Variants in DIAPH3 observed in about 807,000 individuals in gnomAD.
DIAPH3 encodes protein diaphanous homolog 3.
In DIAPH3, 117 loss-of-function variants were observed where a neutral mutation model predicts 144.3. The observed-to-expected ratio is 0.81, with a 90% confidence interval of 0.70 to 0.95. The LOEUF (loss-of-function observed/expected upper bound fraction) is 0.95, where lower values mean the gene tolerates loss of function less well. DIAPH3 is among the 40% of genes least tolerant of loss of function. The pLI, the probability that DIAPH3 is intolerant of heterozygous loss-of-function variation, is 0.00. For synonymous variants in DIAPH3, 519 were observed against 488.9 expected, an observed-to-expected ratio of 1.06 and a Z score of -0.81; for missense variants, 1,421 against 1,412.7, an observed-to-expected ratio of 1.01 and a Z score of -0.09.
At chr13:60,094,537 C>A (rs1189053442) in intron 3 of DIAPH3, among the ~76,000 whole-genome samples, 3 of 152,154 alleles carry the variant, frequency 2.0e-5, no homozygotes, top group Non-Finnish European at 4.4e-5. Context: ...AGAAGGGCAG[C>A]TCAAATGAAT....
At chr13:59,757,392 C>CTTTTTTTT (rs558678599) in intron 27 of DIAPH3, among the ~76,000 whole-genome samples, 2 of 93,046 alleles carry the variant, frequency 2.1e-5, no homozygotes, top group Non-Finnish European at 4.0e-5. Flanking sequence ...ATGGGTCATC[C>CTTTTTTTT]TTTTTTTTTT....
At chr13:60,131,582 C>G (rs901649192) in intron 2 of DIAPH3, among the ~76,000 whole-genome samples, 1 of 150,664 alleles carries the variant, frequency 6.6e-6, no homozygotes, top group Non-Finnish European at 1.5e-5. Flanking sequence ...ATGTCCAGAA[C>G]AGGCAAATCT....
intron 4 of DIAPH3, among the ~76,000 whole-genome samples, chr13:60,073,469 A>G (rs1330987508): frequency 6.6e-6 from 1 of 152,214 alleles, no homozygotes; most frequent in Non-Finnish European, 1.5e-5. Flanking sequence ...AATTTTTTAG[A>G]TTAAAAGCAA....
intron 17 of DIAPH3, among the ~76,000 whole-genome samples, chr13:59,955,300 T>C (rs1379156937): frequency 6.6e-6 from 1 of 151,738 alleles, no homozygotes; most frequent in Non-Finnish European, 1.5e-5. Context: ...TGGGGGCGGG[T>C]TTCTCCTGTG....
intron 4 of DIAPH3, among the ~76,000 whole-genome samples, chr13:60,071,574 C>T (rs1276136017): frequency 6.6e-6 from 1 of 152,100 alleles, no homozygotes; most frequent in Non-Finnish European, 1.5e-5. Context: ...ATATTTTTAT[C>T]ATATCCCATT....
At chr13:59,956,424 C>T (rs2049405597) in intron 17 of DIAPH3, among the ~76,000 whole-genome samples, 1 of 152,234 alleles carries the variant, frequency 6.6e-6, no homozygotes, top group African/African-American at 2.4e-5. Context: ...AGGGTGCAAG[C>T]CCCAAGCCTT....
intron 17 of DIAPH3, among the ~76,000 whole-genome samples, chr13:59,963,080 A>C (rs1459800518): frequency 6.6e-6 from 1 of 152,172 alleles, no homozygotes; most frequent in African/African-American, 2.4e-5. Flanking sequence ...TCCTGGGATA[A>C]AGTGTCTGAT....
At chr13:60,067,977 T>C (rs2057039944) in intron 4 of DIAPH3, among the ~76,000 whole-genome samples, 1 of 152,182 alleles carries the variant, frequency 6.6e-6, no homozygotes, top group African/African-American at 2.4e-5. Flanking sequence ...AGAATCATCT[T>C]ATATGATTTT....
chr13:59,798,163 T>C (rs1306953131), intron 25 of DIAPH3, among the ~76,000 whole-genome samples: 1 of 152,198 alleles, frequency 6.6e-6, no homozygotes, highest in East Asian at 1.9e-4. Context: ...CTCTTTTCAG[T>C]GCATCCTAGT....
intron 24 of DIAPH3, among the ~76,000 whole-genome samples, chr13:59,817,253 T>C (rs2040828300): frequency 6.6e-6 from 1 of 151,950 alleles, no homozygotes; most frequent in African/African-American, 2.4e-5. Context: ...TTGTCTTTAA[T>C]GATATTTTTC....
intron 9 of DIAPH3, among the ~76,000 whole-genome samples, chr13:59,999,392 A>T (rs1417776955): frequency 6.6e-6 from 1 of 152,150 alleles, no homozygotes; most frequent in Non-Finnish European, 1.5e-5. Flanking sequence ...ACTTTCAAAG[A>T]TCTATCTTCT....
At chr13:60,033,231 C>T (rs1478254251) in intron 5 of DIAPH3, among the ~76,000 whole-genome samples, 1 of 152,198 alleles carries the variant, frequency 6.6e-6, no homozygotes. Context: ...CCTTATTTCC[C>T]ATATTCTTCT....
chr13:59,807,615 GTATGATGCA>G (rs965394564), intron 25 of DIAPH3, among the ~76,000 whole-genome samples: 1 of 151,844 alleles, frequency 6.6e-6, no homozygotes, highest in African/African-American at 2.4e-5. Context: ...ATGTTAAAAT[GTATGATGCA>G]TATGTACCTC....
At chr13:60,005,898 TTTA>T (rs1407685504) in intron 9 of DIAPH3, among the ~76,000 whole-genome samples, 1 of 151,726 alleles carries the variant, frequency 6.6e-6, no homozygotes, top group Non-Finnish European at 1.5e-5. Context: ...ATTCTTAATA[TTTA>T]TTTAAGTCTT....
chr13:59,724,697 G>A (rs1301079049), intron 27 of DIAPH3, among the ~76,000 whole-genome samples: 2 of 152,172 alleles, frequency 1.3e-5, no homozygotes, highest in Non-Finnish European at 2.9e-5. Flanking sequence ...TGCCGATTGC[G>A]TCAAATGAGC....
chr13:59,965,979 C>T (rs1350926789), intron 17 of DIAPH3, among the ~76,000 whole-genome samples: 1 of 152,072 alleles, frequency 6.6e-6, no homozygotes, highest in African/African-American at 2.4e-5. Context: ...TGGAAAAGTG[C>T]TTATATACAT....
chr13:59,774,976 C>T (rs2038322382), intron 25 of DIAPH3, among the ~76,000 whole-genome samples, 153 bp from the exon 26 acceptor site: 1 of 152,170 alleles, frequency 6.6e-6, no homozygotes, highest in Non-Finnish European at 1.5e-5. Context: ...AGGACTTTAA[C>T]TCTCTCATTA....
At chr13:59,925,288 T>C (rs187440872) in intron 17 of DIAPH3, among the ~76,000 whole-genome samples, 8 of 152,256 alleles carry the variant, frequency 5.3e-5, no homozygotes, top group Non-Finnish European at 1.0e-4. Flanking sequence ...AAAACAGTCA[T>C]TTTATGTCTA....
Position 59,879,389 on chromosome 13 carries a change from A to T in DIAPH3, c.2447T>A (p.Ile816Asn). Residue 816 changes from isoleucine (I) to asparagine (N), a missense_variant, in exon 21 of 28, where the codon ATC becomes AAC. Ile to Asn is a moderately radical substitution (Grantham distance 149). Transcript: ENST00000400324. The part of the protein sequence containing the change: ...KLQFEEQVNN[I>N]KPDIMAVSTA... ...ACTGACAGCCATGATGTCAGGTTTG[A>T]TGTTGTTCACCTGCTCTTCAAACTG... 6.2e-7 allele frequency: 1 copy of T among 1,613,786 alleles called. No homozygotes were observed. Among genetic ancestry groups the T allele is most frequent in the Non-Finnish European group, 8.5e-7 (1 of 1,179,836 alleles).
Sources: gnomAD v4.1 joint callset for allele counts (sites outside exome capture counted in the v4.1 genomes callset) on GRCh38, gnomAD v4.1.1 for gene constraint, MANE v1.5 for transcripts, NCBI Gene and HGNC (gene_info 2026-07-23, HGNC 2026-07-21) for gene names.